Variants in EMID1 observed in about 807,000 individuals in gnomAD.
EMID1 encodes EMI domain containing 1.
EMID1 carries 40 observed loss-of-function variants against 60.6 expected under a neutral mutation model. The ratio of observed to expected loss-of-function variants is 0.66; its 90% CI spans 0.51 to 0.86. The LOEUF (loss-of-function observed/expected upper bound fraction) is 0.86. EMID1 is among the 40% of genes least tolerant of loss of function. The probability of loss-of-function intolerance (pLI) is 0.00; values close to 1 mark genes in which losing one functional copy is unlikely to be tolerated. For synonymous variants in EMID1, 242 were observed against 231.0 expected, an observed-to-expected ratio of 1.05 and a Z score of -0.43; for missense variants, 585 against 597.1, an observed-to-expected ratio of 0.98 and a Z score of 0.21.
In EMID1 at chr22:29,246,394, T is replaced by C. The variant is rs117475381; in HGVS notation, c.1119+2905T>C. ...TTGCAAAGAATCCCTCTGATTGCCA[T>C]GGCGAATGGATGGGAGAAGCAGAAA... On this transcript the variant is annotated intron_variant, in intron 13 of 14. Coordinates refer to ENST00000334018, the MANE Select transcript of EMID1 (RefSeq NM_133455.4). Among the ~76,000 whole-genome samples, 78 of 152,274 alleles carry C rather than the reference T, an allele frequency of 5.1e-4. 1 individual carries two copies. The East Asian group carries it at 0.011, about 21-fold the overall frequency.
intron 12 of EMID1, 138 bp from the exon 13 acceptor site, chr22:29,243,307 C>G: frequency 1.2e-6 from 1 of 815,056 alleles, no homozygotes; most frequent in African/African-American, 1.7e-5. Context: ...TTGGTTTTTG[C>G]TTTGTATCCA....
intron 13 of EMID1, among the ~76,000 whole-genome samples, chr22:29,252,670 C>T (rs2041570796): frequency 6.6e-6 from 1 of 152,150 alleles, no homozygotes; most frequent in African/African-American, 2.4e-5. Context: ...CAGCTGGTAC[C>T]ACTTGGGGAG....
rs765848627 is a variant in EMID1 at position 29,231,145 on chromosome 22, G to A, written c.586+5G>A. The A allele has an allele frequency of 1.3e-6, 2 of 1,594,320 alleles. No homozygotes were observed. The highest frequency in any genetic ancestry group is 1.3e-5 in the African/African-American group (1 of 74,194). The stretch of plus-strand genomic sequence containing the variant: ...CCGGAGATGGAGGCCTCCAGGGTGA[G>A]TGTCAGACTCAGACTCCCCTGTGGG... On this transcript the variant is annotated splice_donor_5th_base_variant and intron_variant, in intron 6 of 14. Coordinates refer to ENST00000334018, the MANE Select transcript of EMID1 (RefSeq NM_133455.4).
At chr22:29,219,296 TAG>T (rs560639454) in intron 3 of EMID1, among the ~76,000 whole-genome samples, 122 of 152,224 alleles carry the variant, frequency 8.0e-4, no homozygotes, top group African/African-American at 2.8e-3. Flanking sequence ...GATAGAAAGA[TAG>T]AGAGGCCGGG....
intron 1 of EMID1, among the ~76,000 whole-genome samples, chr22:29,213,332 C>A (rs1295603367): frequency 6.6e-6 from 1 of 152,200 alleles, no homozygotes. Context: ...CCTGTCACCT[C>A]TGCATGGGAT....
At chr22:29,215,676 G>C (rs1045541793) in intron 3 of EMID1, 46 bp downstream of exon 3, 1 of 1,501,674 alleles carries the variant, frequency 6.7e-7, no homozygotes, top group South Asian at 1.1e-5. Flanking sequence ...CAGCAGGCCA[G>C]GTGCCTCCCT....
intron 8 of EMID1, 129 bp downstream of exon 8, chr22:29,232,531 C>A: frequency 1.9e-6 from 2 of 1,077,298 alleles, no homozygotes; most frequent in Non-Finnish European, 2.6e-6. Context: ...GTGACCCAGT[C>A]CTCCAGCAGG....
chr22:29,254,409 G>A, intron 14 of EMID1, 122 bp downstream of exon 14: 1 of 930,712 alleles, frequency 1.1e-6, no homozygotes, highest in South Asian at 1.4e-5. Flanking sequence ...CCTGCCCCAG[G>A]CAAGCATGGA....
intron 5 of EMID1, 120 bp downstream of exon 5, chr22:29,226,671 C>T (rs1379038796): frequency 2.0e-6 from 2 of 996,690 alleles, no homozygotes; most frequent in East Asian, 2.9e-5. Flanking sequence ...AGTGAACCCA[C>T]AGGGCAGCTC....
At chr22:29,224,907 C>G (rs1051796835) in intron 3 of EMID1, among the ~76,000 whole-genome samples, 2 of 152,224 alleles carry the variant, frequency 1.3e-5, no homozygotes, top group Non-Finnish European at 2.9e-5. Context: ...TCATCTATGG[C>G]CCCCGCCCCA....
intron 12 of EMID1, among the ~76,000 whole-genome samples, chr22:29,236,981 G>C (rs532718618): frequency 1.6e-4 from 24 of 151,618 alleles, no homozygotes; most frequent in Non-Finnish European, 8.8e-5. Flanking sequence ...ATTTTTAGTA[G>C]AGATGGGGTT....
Position 29,258,994 on chromosome 22 carries a change from T to C in EMID1, c.*50T>C, listed in dbSNP as rs1015576829. ...ACCAGGCCAGGCTTCCCCTCCTACC[T>C]GGACTCGGCCAGCTGCCTCCAGGGA... On this transcript the variant is annotated 3_prime_UTR_variant, in exon 15 of 15. Transcript: ENST00000334018. The C allele has an allele frequency of 4.2e-5, 67 of 1,580,938 alleles. No homozygotes were observed. The highest frequency in any genetic ancestry group is 1.7e-4 in the Middle Eastern group (1 of 5,896).
chr22:29,248,817 G>A (rs1013628102), intron 13 of EMID1, among the ~76,000 whole-genome samples: 4 of 98,322 alleles, frequency 4.1e-5, no homozygotes, highest in African/African-American at 1.1e-4. Flanking sequence ...CTCCAACCTG[G>A]GCGACAGAGC....
At chr22:29,225,367 C>A in intron 4 of EMID1, 151 bp downstream of exon 4, 2 of 855,570 alleles carry the variant, frequency 2.3e-6, no homozygotes, top group Non-Finnish European at 3.5e-6. Flanking sequence ...GCTCCCCAGG[C>A]TACAAAAGTT....
intron 13 of EMID1, among the ~76,000 whole-genome samples, chr22:29,252,985 A>G (rs997855348): frequency 2.9e-4 from 44 of 152,302 alleles, no homozygotes; most frequent in African/African-American, 1.0e-3. Context: ...AATGTAACTC[A>G]AACCTTGTCT....
chr22:29,255,372 G>A (rs1438817477), intron 14 of EMID1: 1 of 1,458,986 alleles, frequency 6.9e-7, no homozygotes. Context: ...GTAATGGCAG[G>A]GCGGGCAGGC....
intron 3 of EMID1, chr22:29,216,704 G>T: frequency 1.0e-6 from 1 of 971,906 alleles, no homozygotes; most frequent in Non-Finnish European, 1.2e-6. Flanking sequence ...CAGATAGGGT[G>T]ACTGAGGCCC....
At chr22:29,243,555 C>A (rs2041225891) in intron 13 of EMID1, 66 bp downstream of exon 13, 2 of 1,594,628 alleles carry the variant, frequency 1.3e-6, no homozygotes, top group African/African-American at 2.7e-5. Flanking sequence ...GAGAGTATTC[C>A]CTCCCCAGGA....
intron 14 of EMID1, among the ~76,000 whole-genome samples, chr22:29,257,576 G>A (rs942239839): frequency 6.6e-6 from 1 of 152,124 alleles, no homozygotes; most frequent in Non-Finnish European, 1.5e-5. Context: ...TGCTGACTCT[G>A]CCACTCATCC....
Sources: allele counts gnomAD v4.1 joint callset (sites outside exome capture counted in the v4.1 genomes callset), GRCh38; gene constraint gnomAD v4.1.1; transcripts MANE v1.5; gene names NCBI Gene and HGNC (gene_info 2026-07-23, HGNC 2026-07-21).